The following KCNMA1 variants were observed in gnomAD, a reference collection of about 807,000 sequenced individuals.
KCNMA1 encodes potassium calcium-activated channel subfamily M alpha 1.
A neutral mutation model predicts 140.0 loss-of-function variants in KCNMA1; 29 were observed. The observed-to-expected ratio is 0.21, with a 90% CI of 0.15 to 0.28. The LOEUF (loss-of-function observed/expected upper bound fraction) is 0.28, where lower values mean the gene tolerates loss of function less well. Among genes scored for constraint, KCNMA1 ranks in the 10% least tolerant of loss-of-function variants. KCNMA1 has a pLI of 1.00. For missense variants in KCNMA1, 880 were observed against 1,602.2 expected (o/e 0.55, Z 7.70); for synonymous variants, 612 against 611.9 (o/e 1.00, Z 0.00).
intron 5 of KCNMA1, among the ~76,000 whole-genome samples, chr10:77,138,562 C>A (rs11593513): frequency 6.6e-6 from 1 of 152,138 alleles, no homozygotes; most frequent in Non-Finnish European, 1.5e-5. Context: ...CTACCCCAGT[C>A]CCCCCAGGCC....
At chr10:77,506,835 G>C (rs2046287185) in intron 1 of KCNMA1, among the ~76,000 whole-genome samples, 1 of 125,524 alleles carries the variant, frequency 8.0e-6, no homozygotes, top group Non-Finnish European at 1.6e-5. Context: ...GAGAGAGAGA[G>C]AGAGAGTGTG....
intron 2 of KCNMA1, among the ~76,000 whole-genome samples, chr10:77,312,052 G>A (rs1294314021): frequency 6.6e-6 from 1 of 152,194 alleles, no homozygotes; most frequent in Non-Finnish European, 1.5e-5. Flanking sequence ...CCCACTAGGC[G>A]CTAGCCTGCT....
intron 3 of KCNMA1, among the ~76,000 whole-genome samples, chr10:77,196,813 C>T (rs187421654): frequency 1.1e-4 from 16 of 152,238 alleles, no homozygotes; most frequent in African/African-American, 3.9e-4. Context: ...GCTTGGAATG[C>T]CTCGCCTTTC....
chr10:77,130,282 T>A (rs1261357941), intron 5 of KCNMA1, among the ~76,000 whole-genome samples: 1 of 152,206 alleles, frequency 6.6e-6, no homozygotes. Flanking sequence ...TACATTACAC[T>A]AAATTTTCAG....
chr10:77,520,086 G>C (rs866559337), intron 1 of KCNMA1, among the ~76,000 whole-genome samples: 5 of 149,406 alleles, frequency 3.3e-5, no homozygotes, highest in African/African-American at 4.9e-5. Flanking sequence ...GTGAGGTCTG[G>C]AGTATGCAGT....
chr10:77,385,108 T>G (rs924667923), intron 2 of KCNMA1, among the ~76,000 whole-genome samples: 1 of 152,244 alleles, frequency 6.6e-6, no homozygotes, highest in Non-Finnish European at 1.5e-5. Flanking sequence ...GATTTATATC[T>G]CATTCCATTT....
chr10:77,035,346 A>C (rs1244221022), intron 15 of KCNMA1, among the ~76,000 whole-genome samples: 4 of 152,162 alleles, frequency 2.6e-5, no homozygotes, highest in Non-Finnish European at 5.9e-5. Context: ...CCCAGCCTAC[A>C]GGGAGATGTC....
At chr10:77,293,578 T>C (rs773096140) in intron 2 of KCNMA1, among the ~76,000 whole-genome samples, 1 of 152,204 alleles carries the variant, frequency 6.6e-6, no homozygotes, top group Non-Finnish European at 1.5e-5. Context: ...CATTCCAAGG[T>C]GATCCACTGG....
Position 77,353,972 on chromosome 10 carries a change from G to T in KCNMA1, c.540+49890C>A, listed in dbSNP as rs1336005358. On this transcript the variant is annotated intron_variant, in intron 2 of 27. Transcript: ENST00000286628. ...CCATGGCATCCTGCCTCTTTTTTTG[G>T]GGGGGGGGGTGGTGGGGGTGGAGGG... Among the ~76,000 whole-genome samples, 10 of 2,196 alleles carry T rather than the reference G, an allele frequency of 4.6e-3. No individual in the cohort carries two copies. In the East Asian group the frequency reaches 0.071, roughly 16 times the overall value. The allele number at this position is 2,196 out of a possible 152,430, so 1.4% of individuals were successfully genotyped here.
intron 1 of KCNMA1, among the ~76,000 whole-genome samples, chr10:77,603,129 TAG>T (rs1224135910): frequency 2.6e-5 from 4 of 152,194 alleles, no homozygotes; most frequent in African/African-American, 9.7e-5. Flanking sequence ...TAAAAACTGC[TAG>T]AGGTTCCATT....
At chr10:77,089,767 G>C (rs1202621455) in intron 10 of KCNMA1, among the ~76,000 whole-genome samples, 7 of 152,176 alleles carry the variant, frequency 4.6e-5, no homozygotes, top group African/African-American at 1.7e-4. Context: ...TATGGATGAG[G>C]AAGCTGAGGC....
chr10:77,515,958 T>G (rs911726179), intron 1 of KCNMA1, among the ~76,000 whole-genome samples: 4 of 152,212 alleles, frequency 2.6e-5, no homozygotes, highest in African/African-American at 9.6e-5. Flanking sequence ...CCATCCCTGT[T>G]ATCCCTGCAG....
At chr10:77,432,006 G>C (rs1053367256) in intron 1 of KCNMA1, among the ~76,000 whole-genome samples, 3 of 151,720 alleles carry the variant, frequency 2.0e-5, no homozygotes, top group Admixed American at 6.6e-5. Flanking sequence ...AAAAAAAAAG[G>C]CTCACAGCAA....
chr10:76,942,788 T>G (rs546722223), intron 23 of KCNMA1, among the ~76,000 whole-genome samples: 1 of 152,316 alleles, frequency 6.6e-6, no homozygotes, highest in Middle Eastern at 3.4e-3. Context: ...TGCCTCCTCC[T>G]GCTGGCTTCT....
rs2063746300 is a variant in KCNMA1 at position 77,267,426 on chromosome 10, C to T, written c.541-16170G>A. Among the ~76,000 whole-genome samples the T allele has an allele frequency of 2.0e-5, 3 of 152,310 alleles. No homozygotes were observed. The South Asian group carries it at 6.2e-4, about 32-fold the overall frequency. ...CCAGGTCGGACTCCCTGCCTTTGTT[C>T]TTTTAATCCATGACTCCAAAGCTCC... On this transcript the variant is annotated intron_variant, in intron 2 of 27. Transcript: ENST00000286628.
intron 1 of KCNMA1, chr10:77,637,056 T>C: frequency 7.2e-7 from 1 of 1,380,230 alleles, no homozygotes; most frequent in Non-Finnish European, 9.4e-7. Context: ...CGGAGCGCAC[T>C]GGCTGGGGGC....
In KCNMA1 at chr10:77,227,504, TATTAGTACTTC is replaced by T. The variant is rs554999720; in HGVS notation, c.602+23680_602+23690del. ...TTCCCAGAAATATTTATATTATGGATATTAGTACTTCATTAGTACTTCATTATTATACCAAT... is the reference window on the plus strand; with the variant it reads ...TTCCCAGAAATATTTATATTATGGATATTAGTACTTCATTATTATACCAAT... On this transcript the variant is annotated intron_variant, in intron 3 of 27. Transcript: ENST00000286628. Among the ~76,000 whole-genome samples, 387 of 152,368 alleles carry T rather than the reference TATTAGTACTTC, an allele frequency of 2.5e-3. 1 individual carries two copies. Among genetic ancestry groups the T allele is most frequent in the Middle Eastern group, 0.01 (3 of 294 alleles).
At chr10:77,204,510 G>T (rs190965558) in intron 3 of KCNMA1, among the ~76,000 whole-genome samples, 15 of 152,236 alleles carry the variant, frequency 9.9e-5, no homozygotes, top group East Asian at 5.8e-4. Context: ...TTCTATGAGG[G>T]TTATCTTCTA....
chr10:77,445,280 C>T (rs1431312785), intron 1 of KCNMA1, among the ~76,000 whole-genome samples: 1 of 152,034 alleles, frequency 6.6e-6, no homozygotes, highest in Non-Finnish European at 1.5e-5. Context: ...CTGAGCCACG[C>T]TGGGGATTTT....
Sources: allele counts gnomAD v4.1 joint callset (sites outside exome capture counted in the v4.1 genomes callset), GRCh38; gene constraint gnomAD v4.1.1; transcripts MANE v1.5; gene names NCBI Gene and HGNC (gene_info 2026-07-23, HGNC 2026-07-21).